Variants in AHNAK observed in about 807,000 individuals in gnomAD.
AHNAK encodes AHNAK nucleoprotein, also known as neuroblast differentiation-associated protein AHNAK.
In AHNAK, 23 loss-of-function variants were observed where a neutral mutation model predicts 37.8. The observed-to-expected ratio is 0.61, with a 90% CI of 0.44 to 0.86. AHNAK has a LOEUF of 0.86. Ranked by LOEUF, AHNAK falls within the 40% of genes least tolerant of loss-of-function variation. The pLI, the probability that AHNAK is intolerant of heterozygous loss-of-function variation, is 0.00. For missense variants in AHNAK, 7,411 were observed against 7,319.4 expected (o/e 1.01, Z -0.46); for synonymous variants, 2,481 against 2,636.3 (o/e 0.94, Z 1.80).
Position 62,522,893 on chromosome 11 carries a change from T to G in AHNAK, c.11524A>C (p.Ile3842Leu). 6.2e-7 allele frequency: 1 copy of G among 1,604,398 alleles called. No homozygotes were observed. The highest frequency in any genetic ancestry group is 1.1e-5 in the South Asian group (1 of 90,632). Residue 3842 changes from isoleucine to leucine, a missense_variant, in exon 5 of 5, where the codon ATT becomes CTT. Transcript: ENST00000378024. Reference sequence around the variant, plus strand: ...TCGATATTCACATCTGGAACATCAATGTCCACCTTGGGTCCTGAGACATCA... The same window carrying G: ...TCGATATTCACATCTGGAACATCAAGGTCCACCTTGGGTCCTGAGACATCA... ...DLDVSGPKVD[I>L]DVPDVNIEGP...
chr11:62,534,384 G>A (rs934833111), intron 4 of AHNAK, among the ~76,000 whole-genome samples: 1 of 152,304 alleles, frequency 6.6e-6, no homozygotes, highest in East Asian at 1.9e-4. Context: ...GCCTGTGCCA[G>A]GGACACCTCC....
At chr11:62,513,771 G>A (rs565172757), downstream of AHNAK, among the ~76,000 whole-genome samples, 1 of 152,274 alleles carries the variant, frequency 6.6e-6, no homozygotes, top group South Asian at 2.1e-4. Flanking sequence ...TTGAGAAGAA[G>A]GTGGCTAGAA....
At position 62,532,405 on chromosome 11, in the gene AHNAK, A is replaced by C. The variant is rs147704267; in HGVS notation, c.2012T>G (p.Val671Gly). 3.7e-6 allele frequency: 6 copies of C among 1,614,114 alleles called. No individual in the cohort carries two copies. The African/African-American group carries it at 8.0e-5, about 22-fold the overall frequency. ...GPKVNVEAPD[V>G]NLEGLGGKLK... ...TTTTCCCCCCAGACCCTCCAAGTTG[A>C]CATCTGGGGCTTCCACATTGACCTT... is the stretch of plus-strand genomic sequence containing the variant. Residue 671 changes from valine (V) to glycine (G), a missense_variant, in exon 5 of 5, where the codon GTC becomes GGC. Coordinates refer to ENST00000378024, the MANE Select transcript of AHNAK (RefSeq NM_001620.3).
At chr11:62,536,380 C>T in intron 2 of AHNAK, 89 bp downstream of exon 2, 1 of 337,652 alleles carries the variant, frequency 3.0e-6, no homozygotes. Context: ...CATCCCTGTC[C>T]CCCACGGCCC....
chr11:62,501,803 G>A (rs1385016565), intron 4 of AHNAK, among the ~76,000 whole-genome samples: 8 of 152,180 alleles, frequency 5.3e-5, no homozygotes, highest in Non-Finnish European at 7.3e-5. Context: ...CAAAGAGAGC[G>A]GTGGGGCAGG....
intron 5 of AHNAK, among the ~76,000 whole-genome samples, chr11:62,488,124 G>A (rs1013442772): frequency 1.3e-5 from 2 of 152,170 alleles, no homozygotes; most frequent in Non-Finnish European, 2.9e-5. Context: ...GCCACCTTCC[G>A]TGCCTGGCTC....
rs375809699 is a variant in AHNAK at position 62,519,591 on chromosome 11, C to T, written c.14826G>A (p.Val4942=). Reference sequence around the variant, plus strand: ...CTTCAACTTTGGGTCCCTTGAGGTCCACTTCACCACCTTCTAACTTCGGAC... The same window carrying T: ...CTTCAACTTTGGGTCCCTTGAGGTCTACTTCACCACCTTCTAACTTCGGAC... ...FSGPKLEGGE[V]DLKGPKVEAP... is the part of the protein sequence containing the mutation. Residue 4942 remains valine (V), a synonymous_variant, in exon 5 of 5, where the codon GTG becomes GTA. Transcript: ENST00000378024. 7 of 1,612,432 alleles carry T rather than the reference C, an allele frequency of 4.3e-6. No individual in the cohort carries two copies. The highest frequency in any genetic ancestry group is 1.6e-4 in the Middle Eastern group (1 of 6,074).
At chr11:62,545,049 G>C (rs893963095) in intron 1 of AHNAK, among the ~76,000 whole-genome samples, 5 of 152,222 alleles carry the variant, frequency 3.3e-5, no homozygotes, top group Admixed American at 3.3e-4. Flanking sequence ...CACAGAGGTA[G>C]ATATCTCGGT....
Position 62,532,190 on chromosome 11 carries a change from G to A in AHNAK, c.2227C>T (p.Pro743Ser), listed in dbSNP as rs774567105. ...TTGGGCATCTTCAAGTGCCAGTCTG[G>A]GCCATGAACATCCACATCTGGGGCA... is the stretch of plus-strand genomic sequence containing the variant. ...IDAPDVDVHG[P>S]DWHLKMPKMK... Residue 743 changes from proline (P) to serine (S), a missense_variant, in exon 5 of 5, where the codon CCA becomes TCA. Transcript: ENST00000378024. 2 of 1,614,108 alleles carry A rather than the reference G, an allele frequency of 1.2e-6. No homozygotes were observed. Among genetic ancestry groups the A allele is most frequent in the Non-Finnish European group, 8.5e-7 (1 of 1,180,042 alleles).
chr11:62,513,708 G>A (rs1457883575), downstream of AHNAK, among the ~76,000 whole-genome samples: 3 of 152,230 alleles, frequency 2.0e-5, no homozygotes, highest in Non-Finnish European at 4.4e-5. Flanking sequence ...AACCATCACT[G>A]CGGGAAGCAG....
At chr11:62,496,802 AAAGAAAGAAAGAAAGAAAAAG>A (rs1456022714) in intron 4 of AHNAK, among the ~76,000 whole-genome samples, 2 of 151,252 alleles carry the variant, frequency 1.3e-5, no homozygotes, top group Non-Finnish European at 2.9e-5. Flanking sequence ...CCATCTCAAG[AAAGAAAGAAAGAAAGAAAAAG>A]AAGAAAGAAA....
rs772309129 is a variant in AHNAK, at chr11:62,521,783, G to C, written c.12634C>G (p.Leu4212Val). The C allele has an allele frequency of 6.2e-7, 1 of 1,612,478 alleles. No individual in the cohort carries two copies. Among genetic ancestry groups the C allele is most frequent in the South Asian group, 1.1e-5 (1 of 90,992 alleles). ...KGEGPDVDVN[L>V]PKADLDVSGP... ...GAGACGTCAAGGTCAGCCTTGGGCAGGTTCACATCCACATCTGGGCCCTCT... is the reference window on the plus strand; with the variant it reads ...GAGACGTCAAGGTCAGCCTTGGGCACGTTCACATCCACATCTGGGCCCTCT... Residue 4212 changes from leucine to valine, a missense_variant, in exon 5 of 5, where the codon CTG becomes GTG. Physicochemically the swap from Leu to Val is conservative, Grantham distance 32. Coordinates refer to ENST00000378024, the MANE Select transcript of AHNAK (RefSeq NM_001620.3).
At chr11:62,493,591 C>A (rs936969693) in intron 4 of AHNAK, among the ~76,000 whole-genome samples, 1 of 152,040 alleles carries the variant, frequency 6.6e-6, no homozygotes, top group South Asian at 2.1e-4. Flanking sequence ...ACCTCGGCCT[C>A]CCAAAGTGCT....
Position 62,531,190 on chromosome 11 carries a change from A to G in AHNAK, c.3227T>C (p.Leu1076Pro), listed in dbSNP as rs754145888. 1.9e-6 allele frequency: 3 copies of G among 1,614,066 alleles called. No individual in the cohort carries two copies. Among genetic ancestry groups the G allele is most frequent in the South Asian group, 1.1e-5 (1 of 91,074 alleles). The change falls in exon 5 of 5, where the codon CTT (leucine) becomes CCT (proline). Residue 1076 changes from leucine (L) to proline (P), a missense_variant. Physicochemically the swap from Leu to Pro is moderately conservative, Grantham distance 98. Transcript: ENST00000378024. ...KMSLPDVDLD[L>P]KGPKMKGNVD... is the part of the protein sequence containing the mutation. ...ATTTCCTTTCATTTTGGGTCCTTTA[A>G]GATCCAGGTCAACATCTGGCAAAGA...
In AHNAK at chr11:62,527,964, C is replaced by T. The variant is rs552335352; in HGVS notation, c.6453G>A (p.Val2151=). The part of the protein sequence containing the change: ...KLEGDLTGPS[V]DVEVPDVELE... ...GCTCAACATCAGGCACCTCCACATC[C>T]ACACTGGGGCCTGTTAAATCTCCCT... Residue 2151 remains valine, a synonymous_variant, in exon 5 of 5, where the codon GTG becomes GTA. Coordinates refer to ENST00000378024, the MANE Select transcript of AHNAK (RefSeq NM_001620.3). The T allele has an allele frequency of 6.2e-7, 1 of 1,613,322 alleles. No individual in the cohort carries two copies. Among genetic ancestry groups the T allele is most frequent in the Non-Finnish European group, 8.5e-7 (1 of 1,179,830 alleles).
chr11:62,532,063 A>G lies in AHNAK; in HGVS notation c.2354T>C (p.Ile785Thr), dbSNP rs199840379. 57 of 1,611,956 alleles carry G rather than the reference A, an allele frequency of 3.5e-5. No homozygotes were observed. Among genetic ancestry groups the G allele is most frequent in the African/African-American group, 4.0e-5 (3 of 74,082 alleles). Reference sequence around the variant, plus strand: ...GCTCACATCAGGAGCAGTAACATCTATCTTGGGCCCGGAAATGTCCACATC... The same window carrying G: ...GCTCACATCAGGAGCAGTAACATCTGTCTTGGGCCCGGAAATGTCCACATC... Reference protein sequence around the residue: ...KADVDISGPKIDVTAPDVSIE... With the variant: ...KADVDISGPKTDVTAPDVSIE... The change falls in exon 5 of 5, where the codon ATA (isoleucine) becomes ACA (threonine). Residue 785 changes from isoleucine (I) to threonine (T), a missense_variant. Transcript: ENST00000378024.
At chr11:62,455,047 C>T (rs1938628027) in intron 5 of AHNAK, among the ~76,000 whole-genome samples, 1 of 151,462 alleles carries the variant, frequency 6.6e-6, no homozygotes, top group Admixed American at 6.6e-5. Context: ...ATTCTCCTGC[C>T]TTAGCCTCCC....
Position 62,470,072 on chromosome 11 carries a change from A to G in AHNAK, c.442+21660T>C, listed in dbSNP as rs921868521. Among the ~76,000 whole-genome samples, 7 of 152,154 alleles carry G rather than the reference A, an allele frequency of 4.6e-5. No individual in the cohort carries two copies. In the East Asian group the frequency reaches 1.4e-3, roughly 29 times the overall value. ...GTAATCCCAGCACTTTGGGAGGCCA[A>G]GGTGGGCGGATCACAAAGTCAAGAG... On this transcript the variant is annotated intron_variant, in intron 5 of 5. Coordinates refer to the AHNAK transcript ENST00000257247.
chr11:62,544,010 G>A (rs1015238044), intron 1 of AHNAK, among the ~76,000 whole-genome samples: 3 of 152,078 alleles, frequency 2.0e-5, no homozygotes, highest in South Asian at 2.1e-4. Context: ...TTCTAAAGAA[G>A]GTGGTGACCA....
Sources: gnomAD v4.1 joint callset for allele counts (sites outside exome capture counted in the v4.1 genomes callset) on GRCh38, gnomAD v4.1.1 for gene constraint, MANE v1.5 for transcripts, NCBI Gene and HGNC (gene_info 2026-07-23, HGNC 2026-07-21) for gene names.